The following INPP4B variants were observed in gnomAD, a reference collection of about 807,000 sequenced individuals.
The protein encoded by INPP4B is inositol polyphosphate-4-phosphatase type II B, also known as inositol polyphosphate 4-phosphatase type II.
Under a neutral mutation model 122.5 loss-of-function variants are expected in INPP4B, and 55 were observed. The ratio of observed to expected loss-of-function variants is 0.45; its 90% CI spans 0.36 to 0.56. INPP4B has a LOEUF of 0.56. Among genes scored for constraint, INPP4B ranks in the 20% least tolerant of loss-of-function variants. The pLI, the probability that INPP4B is intolerant of heterozygous loss-of-function variation, is 0.00. For missense variants in INPP4B, 1,000 were observed against 1,097.7 expected, an observed-to-expected ratio of 0.91 and a Z score of 1.26; for synonymous variants, 403 against 388.7, an observed-to-expected ratio of 1.04 and a Z score of -0.43.
chr4:142,846,132 C>G lies in INPP4B; in HGVS notation c.-254+77G>C, dbSNP rs1424961863. ...CGCTCTCAGACACGCTCCCTCGCCT[C>G]CCGGATTACCCACCATCAACCACCC... On this transcript the variant is annotated intron_variant, in intron 1 of 25. Coordinates refer to ENST00000262992, the MANE Select transcript of INPP4B (RefSeq NM_001101669.3). This position sits in a 1 kb window ranked among gnomAD's most constrained non-coding sequence, Gnocchi z 5.1. The G allele has an allele frequency of 6.6e-6, 1 of 152,244 alleles. No individual in the cohort carries two copies. The allele number at this position is 152,244 out of a possible 1,614,324, so 9.4% of individuals were successfully genotyped here.
At chr4:142,509,490 T>C (rs1349578709) in intron 2 of INPP4B, among the ~76,000 whole-genome samples, 2 of 152,144 alleles carry the variant, frequency 1.3e-5, no homozygotes, top group Non-Finnish European at 2.9e-5. Context: ...TGGTTTTCTG[T>C]TCCTGTGTTA....
intron 7 of INPP4B, among the ~76,000 whole-genome samples, chr4:142,368,095 T>C (rs1464730325): frequency 6.6e-6 from 1 of 152,142 alleles, no homozygotes; most frequent in Admixed American, 6.6e-5. Flanking sequence ...CAAGATCAAA[T>C]AATAGGAATA....
At chr4:142,050,143 T>G (rs1753733669) in intron 25 of INPP4B, among the ~76,000 whole-genome samples, 2 of 152,014 alleles carry the variant, frequency 1.3e-5, no homozygotes, top group African/African-American at 4.8e-5. Context: ...TGAATTCATT[T>G]TTTCTAAATA....
intron 2 of INPP4B, among the ~76,000 whole-genome samples, chr4:142,574,296 C>T (rs1365209410): frequency 6.6e-6 from 1 of 152,078 alleles, no homozygotes; most frequent in Non-Finnish European, 1.5e-5. Flanking sequence ...TCTTCAGCCT[C>T]CTTATTCTGT....
At chr4:142,812,218 A>G (rs147566323) in intron 1 of INPP4B, among the ~76,000 whole-genome samples, 272 of 152,272 alleles carry the variant, frequency 1.8e-3, no homozygotes, top group African/African-American at 6.4e-3. Flanking sequence ...ATCTACCAGC[A>G]TGCACCTGCC....
intron 7 of INPP4B, among the ~76,000 whole-genome samples, chr4:142,383,157 T>C (rs936654082): frequency 2.6e-5 from 4 of 152,132 alleles, no homozygotes; most frequent in Admixed American, 2.6e-4. Context: ...CCGAGTATAA[T>C]TTTTTTCATA....
chr4:142,236,152 G>A (rs1856622371), intron 12 of INPP4B, among the ~76,000 whole-genome samples: 1 of 152,154 alleles, frequency 6.6e-6, no homozygotes, highest in South Asian at 2.1e-4. Flanking sequence ...CATAACTCCT[G>A]TGAGGACTAG....
chr4:142,842,458 C>T (rs1783608724), intron 1 of INPP4B, among the ~76,000 whole-genome samples: 1 of 148,168 alleles, frequency 6.7e-6, no homozygotes, highest in Admixed American at 6.9e-5. Context: ...TAGCAAGATA[C>T]TTCCAAGAAA....
intron 12 of INPP4B, among the ~76,000 whole-genome samples, chr4:142,226,418 C>T (rs538103506): frequency 6.6e-6 from 1 of 152,218 alleles, no homozygotes; most frequent in Admixed American, 6.5e-5. Context: ...TAGTTAGTCC[C>T]TTACATATCA....
chr4:142,052,903 T>C (rs1481748434), intron 25 of INPP4B, among the ~76,000 whole-genome samples: 1 of 152,072 alleles, frequency 6.6e-6, no homozygotes, highest in Non-Finnish European at 1.5e-5. Context: ...TCATTCATCA[T>C]GTACCAGGCA....
At chr4:142,073,858 A>T (rs953391374) in intron 25 of INPP4B, among the ~76,000 whole-genome samples, 2 of 152,062 alleles carry the variant, frequency 1.3e-5, no homozygotes, top group Non-Finnish European at 2.9e-5. Flanking sequence ...TCTTTAGTGA[A>T]AATGAGACCT....
At chr4:142,215,305 G>T (rs1375527291) in intron 12 of INPP4B, among the ~76,000 whole-genome samples, 2 of 152,080 alleles carry the variant, frequency 1.3e-5, no homozygotes. Flanking sequence ...AAGACAAACA[G>T]CAACAAAAAT....
intron 7 of INPP4B, among the ~76,000 whole-genome samples, chr4:142,343,336 T>G (rs1236006088): frequency 1.3e-5 from 2 of 152,006 alleles, no homozygotes; most frequent in Non-Finnish European, 2.9e-5. Context: ...CACAAAGCAT[T>G]CTAAGGGGTG....
At chr4:142,451,038 T>C (rs993692004) in intron 3 of INPP4B, among the ~76,000 whole-genome samples, 1 of 150,762 alleles carries the variant, frequency 6.6e-6, no homozygotes, top group African/African-American at 2.4e-5. Flanking sequence ...CTACAACCCA[T>C]AGACAGAAAA....
At chr4:142,105,955 C>T (rs569488801) in intron 23 of INPP4B, among the ~76,000 whole-genome samples, 3 of 152,234 alleles carry the variant, frequency 2.0e-5, no homozygotes, top group African/African-American at 7.2e-5. Context: ...TAGAGCAGAA[C>T]TCAAATCATT....
At chr4:142,083,856 TATGAG>T (rs1228547045) in intron 24 of INPP4B, among the ~76,000 whole-genome samples, 1 of 152,100 alleles carries the variant, frequency 6.6e-6, no homozygotes, top group East Asian at 1.9e-4. Flanking sequence ...AATGGCTATT[TATGAG>T]ATATGATTTT....
At chr4:142,468,111 G>A (rs1346450377) in intron 2 of INPP4B, 2 of 152,148 alleles carry the variant, frequency 1.3e-5, no homozygotes, top group African/African-American at 2.4e-5. Context: ...CCAGCTCCGA[G>A]TATTTCTTTA....
At chr4:142,037,736 G>C (rs893401304) in intron 25 of INPP4B, among the ~76,000 whole-genome samples, 20 of 152,214 alleles carry the variant, frequency 1.3e-4, no homozygotes, top group African/African-American at 4.6e-4. Flanking sequence ...AATATTAATA[G>C]AGTACCACGT....
intron 2 of INPP4B, among the ~76,000 whole-genome samples, chr4:142,523,822 A>C: frequency 9.3e-6 from 1 of 107,200 alleles, no homozygotes; most frequent in East Asian, 3.2e-4. Flanking sequence ...CCCACCCCAC[A>C]ACAGTCCCCA....
Sources: allele counts gnomAD v4.1 joint callset (sites outside exome capture counted in the v4.1 genomes callset), GRCh38; gene constraint gnomAD v4.1.1; non-coding constraint Gnocchi (gnomAD v3.1); transcripts MANE v1.5; gene names NCBI Gene and HGNC (gene_info 2026-07-23, HGNC 2026-07-21).